The following EHBP1 variants were observed in gnomAD, a reference collection of about 807,000 sequenced individuals.
EHBP1 encodes EH domain-binding protein 1.
Under a neutral mutation model 144.0 loss-of-function variants are expected in EHBP1, and 55 were observed. That is an observed-to-expected ratio of 0.38 (90% CI 0.31 to 0.48). The LOEUF (loss-of-function observed/expected upper bound fraction) is 0.48. Among genes scored for constraint, EHBP1 ranks in the 20% least tolerant of loss-of-function variants. EHBP1 has a pLI of 0.98. For missense variants in EHBP1, 1,200 were observed against 1,364.2 expected (o/e 0.88, Z 1.90); for synonymous variants, 469 against 472.7 (o/e 0.99, Z 0.10).
intron 10 of EHBP1, among the ~76,000 whole-genome samples, chr2:62,891,269 T>C (rs994473230): frequency 2.6e-5 from 4 of 152,188 alleles, no homozygotes; most frequent in African/African-American, 9.7e-5. Flanking sequence ...TGAAAAGTTT[T>C]AGTTTTACTA....
chr2:62,708,347 A>G (rs1185522517), intron 2 of EHBP1, among the ~76,000 whole-genome samples: 2 of 152,196 alleles, frequency 1.3e-5, no homozygotes, highest in Middle Eastern at 3.2e-3. Context: ...TTAGAGTAGA[A>G]TACAACATAA....
chr2:62,809,317 A>G lies in EHBP1; in HGVS notation c.313-16770A>G, dbSNP rs539265951. ...GAAAAAAAAAAAAAAAAAAAAAAAC[A>G]AGAAGAGCACAGTACCCTTGTGTTT... On this transcript the variant is annotated intron_variant, in intron 5 of 22. Transcript: ENST00000431489. 1.5e-3 allele frequency among the ~76,000 whole-genome samples: 228 copies of G among 147,282 alleles called. 1 individual carries two copies. Among genetic ancestry groups the G allele is most frequent in the African/African-American group, 5.5e-3 (217 of 39,500 alleles).
chr2:62,858,542 C>A (rs773241928), intron 7 of EHBP1: 3 of 1,433,732 alleles, frequency 2.1e-6, no homozygotes, highest in Non-Finnish European at 9.8e-7. Flanking sequence ...CTTTCTGCTT[C>A]TGATTGCCTG....
chr2:63,021,252 G>GC (rs2153276920), intron 19 of EHBP1, among the ~76,000 whole-genome samples: 1 of 151,706 alleles, frequency 6.6e-6, no homozygotes, highest in East Asian at 1.9e-4. Context: ...CTCTCCCCCA[G>GC]CCCCCCAGAA....
At chr2:62,710,925 A>T (rs1243385190) in intron 2 of EHBP1, among the ~76,000 whole-genome samples, 1 of 152,208 alleles carries the variant, frequency 6.6e-6, no homozygotes, top group East Asian at 1.9e-4. Context: ...TCTGTTGACC[A>T]TGGAGTGATA....
intron 2 of EHBP1, among the ~76,000 whole-genome samples, chr2:62,718,864 A>G (rs1378258379): frequency 1.3e-5 from 2 of 152,234 alleles, no homozygotes; most frequent in Admixed American, 6.5e-5. Flanking sequence ...TTTAGCTGCC[A>G]AAATTAACAA....
intron 10 of EHBP1, among the ~76,000 whole-genome samples, chr2:62,876,999 A>C (rs148388258): frequency 6.6e-6 from 1 of 152,222 alleles, no homozygotes; most frequent in Non-Finnish European, 1.5e-5. Flanking sequence ...ACATATGACA[A>C]TATTAACCTT....
At chr2:62,696,425 G>A (rs2034094606) in intron 1 of EHBP1, among the ~76,000 whole-genome samples, 1 of 151,196 alleles carries the variant, frequency 6.6e-6, no homozygotes, top group Non-Finnish European at 1.5e-5. Context: ...AGGATAACAG[G>A]GGTGAGCTAC....
chr2:63,038,196 T>C (rs1394650056), intron 20 of EHBP1, among the ~76,000 whole-genome samples: 1 of 152,156 alleles, frequency 6.6e-6, no homozygotes, highest in Non-Finnish European at 1.5e-5. Context: ...TTCTGCTCAC[T>C]AGCAGTATTC....
chr2:62,844,997 A>G (rs1160819039), intron 7 of EHBP1, among the ~76,000 whole-genome samples: 2 of 152,176 alleles, frequency 1.3e-5, no homozygotes, highest in Non-Finnish European at 2.9e-5. Flanking sequence ...CTACCACCAA[A>G]TGACAACTTG....
At chr2:62,762,941 A>ATGATTGGACC (rs2040877402) in intron 3 of EHBP1, among the ~76,000 whole-genome samples, 1 of 152,132 alleles carries the variant, frequency 6.6e-6, no homozygotes, top group Non-Finnish European at 1.5e-5. Flanking sequence ...AGGGCCTTAT[A>ATGATTGGACC]TGATTGGACC....
rs1046229692 is a variant in EHBP1, at chr2:63,040,354, G to C, written c.3277+1538G>C. Among the ~76,000 whole-genome samples the C allele has an allele frequency of 7.9e-5, 12 of 152,000 alleles. No homozygotes were observed. In the South Asian group the frequency reaches 2.5e-3, roughly 32 times the overall value. ...TACAGTTGACTTTAAGATAGATATTGGTTCTAACCCCAAAACCAATGTTAT... is the reference window on the plus strand; with the variant it reads ...TACAGTTGACTTTAAGATAGATATTCGTTCTAACCCCAAAACCAATGTTAT... On this transcript the variant is annotated intron_variant, in intron 21 of 22. Coordinates refer to ENST00000431489, the MANE Select transcript of EHBP1 (RefSeq NM_001142616.3).
At chr2:63,011,343 G>A (rs1156736933) in intron 19 of EHBP1, among the ~76,000 whole-genome samples, 2 of 151,812 alleles carry the variant, frequency 1.3e-5, no homozygotes, top group Non-Finnish European at 3.0e-5. Flanking sequence ...CACTTGTGAA[G>A]AAGCTTCAAG....
intron 14 of EHBP1, among the ~76,000 whole-genome samples, chr2:62,977,062 T>C (rs773038802): frequency 2.0e-5 from 3 of 152,078 alleles, no homozygotes; most frequent in Non-Finnish European, 4.4e-5. Context: ...TGGACTCTTA[T>C]AAGAGCCTCC....
At chr2:62,702,101 C>T (rs886143404), upstream of EHBP1, among the ~76,000 whole-genome samples, 1 of 152,158 alleles carries the variant, frequency 6.6e-6, no homozygotes, top group Non-Finnish European at 1.5e-5. Context: ...TGGGGAGTTT[C>T]TGAGGCAGTG....
chr2:62,891,649 T>C (rs886714737), intron 10 of EHBP1, among the ~76,000 whole-genome samples: 2 of 152,126 alleles, frequency 1.3e-5, no homozygotes, highest in African/African-American at 4.8e-5. Flanking sequence ...AATACCTAGA[T>C]TAAAAGTTGT....
chr2:62,889,955 A>G (rs2052312805), intron 10 of EHBP1, among the ~76,000 whole-genome samples: 1 of 143,468 alleles, frequency 7.0e-6, no homozygotes, highest in African/African-American at 2.6e-5. Context: ...TTTATTCCAT[A>G]TGAATTTTTT....
chr2:62,832,177 CTTTG>C (rs1457950606), intron 7 of EHBP1, among the ~76,000 whole-genome samples: 2 of 152,040 alleles, frequency 1.3e-5, no homozygotes, highest in Non-Finnish European at 2.9e-5. Flanking sequence ...TTACCATGTG[CTTTG>C]TTTATTTATT....
At chr2:63,000,913 G>A (rs990526392) in intron 19 of EHBP1, among the ~76,000 whole-genome samples, 19 of 152,006 alleles carry the variant, frequency 1.2e-4, no homozygotes, top group African/African-American at 4.1e-4. Flanking sequence ...TCTTATTTGG[G>A]AAGAGCAAAA....
Sources: gnomAD v4.1 joint callset for allele counts (sites outside exome capture counted in the v4.1 genomes callset) on GRCh38, gnomAD v4.1.1 for gene constraint, MANE v1.5 for transcripts, NCBI Gene and HGNC (gene_info 2026-07-23, HGNC 2026-07-21) for gene names.